Variants in MAGI1 observed in about 807,000 individuals in gnomAD.
The protein encoded by MAGI1 is membrane-associated guanylate kinase, WW and PDZ domain-containing protein 1.
In MAGI1, 58 loss-of-function variants were observed where a neutral mutation model predicts 139.9. The observed-to-expected ratio is 0.41, with a 90% CI of 0.34 to 0.52. MAGI1 has a LOEUF of 0.52. Among genes scored for constraint, MAGI1 ranks in the 20% least tolerant of loss-of-function variants. The pLI is 0.12. For synonymous variants in MAGI1, 812 were observed against 737.9 expected (o/e 1.10, Z -1.63); for missense variants, 1,874 against 1,901.6 (o/e 0.99, Z 0.27).
chr3:65,357,143 A>G lies in MAGI1; in HGVS notation c.3635-11T>C. ...GGTCGCTGCTGGGGTCTGCCAGGAA[A>G]ATAAACGAGAGCAACAGTTGGGTAC... On this transcript the variant is annotated splice_polypyrimidine_tract_variant and intron_variant, in intron 22 of 22. Transcript: ENST00000402939. 1 of 1,596,534 alleles carries G rather than the reference A, an allele frequency of 6.3e-7. No homozygotes were observed. The highest frequency in any genetic ancestry group is 1.1e-5 in the South Asian group (1 of 88,226).
intron 1 of MAGI1, among the ~76,000 whole-genome samples, chr3:65,820,865 A>G (rs914655616): frequency 1.3e-5 from 2 of 152,168 alleles, no homozygotes; most frequent in African/African-American, 4.8e-5. Context: ...AGGCCACAGG[A>G]AAGAAGGTGG....
rs562693058 is a variant in MAGI1, at chr3:65,361,787, CACTT to C, written c.3496-454_3496-451del. 9.8e-5 allele frequency among the ~76,000 whole-genome samples: 15 copies of C among 152,308 alleles called. 1 individual carries two copies. In the South Asian group the frequency reaches 3.1e-3, roughly 32 times the overall value. On this transcript the variant is annotated intron_variant, in intron 21 of 22. Transcript: ENST00000402939. ...TCTTACTTGCCCTCTTTTCTTCTCTCACTTGTTTGCCCTGATGCATGTTATGAGC... is the reference window on the plus strand; with the variant it reads ...TCTTACTTGCCCTCTTTTCTTCTCTCGTTTGCCCTGATGCATGTTATGAGC...
intron 12 of MAGI1, among the ~76,000 whole-genome samples, chr3:65,427,457 T>C (rs575630501): frequency 6.6e-6 from 1 of 152,278 alleles, no homozygotes; most frequent in East Asian, 1.9e-4. Flanking sequence ...TCCTTAGAAG[T>C]GAATCTAATG....
intron 2 of MAGI1, among the ~76,000 whole-genome samples, chr3:65,551,824 A>G (rs1175151317): frequency 2.6e-5 from 4 of 152,244 alleles, no homozygotes; most frequent in African/African-American, 9.6e-5. Flanking sequence ...GCATTAGCTA[A>G]GAGAGTAACA....
chr3:65,637,202 A>G (rs769633563), intron 1 of MAGI1, among the ~76,000 whole-genome samples: 1 of 152,092 alleles, frequency 6.6e-6, no homozygotes, highest in Non-Finnish European at 1.5e-5. Flanking sequence ...GCCCCTTTAC[A>G]CATATGTGGA....
intron 1 of MAGI1, among the ~76,000 whole-genome samples, chr3:66,008,352 G>C (rs2067140538): frequency 1.3e-5 from 2 of 152,132 alleles, no homozygotes; most frequent in African/African-American, 4.8e-5. Context: ...TTACAATGCT[G>C]GGCCCTACAC....
chr3:65,479,650 G>T (rs935528318), intron 3 of MAGI1, among the ~76,000 whole-genome samples: 6 of 151,954 alleles, frequency 3.9e-5, no homozygotes, highest in Non-Finnish European at 8.8e-5. Context: ...TTAAAAAATT[G>T]ACTTATTTTT....
intron 1 of MAGI1, chr3:65,687,804 T>A (rs1209038103): frequency 1.7e-6 from 1 of 585,554 alleles, no homozygotes; most frequent in Non-Finnish European, 3.4e-6. Flanking sequence ...GGAAATCAGT[T>A]CTTCTGATGC....
chr3:65,957,956 A>G (rs960045985), intron 1 of MAGI1, among the ~76,000 whole-genome samples: 3 of 151,936 alleles, frequency 2.0e-5, no homozygotes, highest in African/African-American at 7.3e-5. Context: ...AGGGGGTTTC[A>G]CCATGTTGTT....
At chr3:65,859,743 T>C (rs115659388) in intron 1 of MAGI1, among the ~76,000 whole-genome samples, 4,276 of 151,388 alleles carry the variant, frequency 0.028, 104 homozygotes, top group Middle Eastern at 0.069. Context: ...AAAAAAAACT[T>C]TAAGGAAGCA....
chr3:65,864,726 C>G (rs2059663693), intron 1 of MAGI1, among the ~76,000 whole-genome samples: 3 of 152,174 alleles, frequency 2.0e-5, no homozygotes, highest in Admixed American at 2.0e-4. Flanking sequence ...GGGAGGAACA[C>G]CAGGTGGCTC....
chr3:65,460,381 CTCTTT>C (rs1365648679), intron 5 of MAGI1, among the ~76,000 whole-genome samples: 1 of 151,944 alleles, frequency 6.6e-6, no homozygotes, highest in Non-Finnish European at 1.5e-5. Context: ...AGTGTTCTTC[CTCTTT>C]TATTTTCTGG....
rs373087043 is a variant in MAGI1, at chr3:65,357,043, A to G, written c.3724T>C (p.Leu1242=). 1.9e-5 allele frequency: 31 copies of G among 1,614,028 alleles called. No homozygotes were observed. Among genetic ancestry groups the G allele is most frequent in the Non-Finnish European group, 2.6e-5 (31 of 1,180,012 alleles). Residue 1242 remains leucine (L), a synonymous_variant, in exon 23 of 23, where the codon TTG becomes CTG. Transcript: ENST00000402939. ...AGATCGGGTGGGTAACTGGACTCCA[A>G]TGACGGATGCTGCCGGCGGTCGGGC... ...AGPDRRQHPS[L]ESSYPPDLHK... is the part of the protein sequence containing the mutation.
chr3:65,517,014 C>T (rs892415925), intron 2 of MAGI1, among the ~76,000 whole-genome samples: 1 of 151,974 alleles, frequency 6.6e-6, no homozygotes, highest in Admixed American at 6.5e-5. Context: ...AGGCGTGAGC[C>T]ACCGCGCCCG....
intron 22 of MAGI1, chr3:65,359,523 C>A: frequency 9.8e-7 from 1 of 1,021,924 alleles, no homozygotes; most frequent in African/African-American, 1.7e-5. Context: ...TTCCCACCCC[C>A]ACCAAAGACC....
intron 7 of MAGI1, among the ~76,000 whole-genome samples, chr3:65,447,234 G>A (rs953952096): frequency 2.6e-5 from 4 of 152,138 alleles, no homozygotes; most frequent in Non-Finnish European, 4.4e-5. Flanking sequence ...TGTATCAGAC[G>A]GAATGCAAAC....
intron 1 of MAGI1, among the ~76,000 whole-genome samples, chr3:65,649,665 C>T (rs969711305): frequency 8.6e-5 from 13 of 151,900 alleles, no homozygotes; most frequent in South Asian, 2.1e-4. Flanking sequence ...TAACAAATAA[C>T]CCAAGAAGAA....
At chr3:65,754,239 A>C (rs1294879429) in intron 1 of MAGI1, among the ~76,000 whole-genome samples, 1 of 152,220 alleles carries the variant, frequency 6.6e-6, no homozygotes, top group Non-Finnish European at 1.5e-5. Context: ...ACAAAGAATC[A>C]AGCAAATATG....
intron 2 of MAGI1, among the ~76,000 whole-genome samples, chr3:65,607,740 C>T (rs2082822051): frequency 6.6e-6 from 1 of 152,060 alleles, no homozygotes; most frequent in Non-Finnish European, 1.5e-5. Context: ...CATTTGTTCC[C>T]ATCACAAGAA....
Sources: allele counts gnomAD v4.1 joint callset (sites outside exome capture counted in the v4.1 genomes callset), GRCh38; gene constraint gnomAD v4.1.1; transcripts MANE v1.5; gene names NCBI Gene and HGNC (gene_info 2026-07-23, HGNC 2026-07-21).